The following MAP2K5 variants were observed in gnomAD, a reference collection of about 807,000 sequenced individuals.
MAP2K5 encodes the protein mitogen-activated protein kinase kinase 5, also known as dual specificity mitogen-activated protein kinase kinase 5.
MAP2K5 carries 49 observed loss-of-function variants against 83.1 expected under a neutral mutation model. The observed-to-expected ratio is 0.59, with a 90% confidence interval of 0.47 to 0.75. The LOEUF is 0.75. Among genes scored for constraint, MAP2K5 ranks in the 30% least tolerant of loss-of-function variants. The pLI is 0.00. For synonymous variants in MAP2K5, 202 were observed against 191.8 expected (o/e 1.05, Z -0.44); for missense variants, 457 against 557.5 (o/e 0.82, Z 1.82).
chr15:67,651,859 C>A (rs1209716330), intron 11 of MAP2K5, among the ~76,000 whole-genome samples: 1 of 152,174 alleles, frequency 6.6e-6, no homozygotes, highest in East Asian at 1.9e-4. Flanking sequence ...GATTTCCTTT[C>A]TTTTGGATAT....
At chr15:67,727,593 C>G (rs866514043) in intron 16 of MAP2K5, among the ~76,000 whole-genome samples, 4 of 152,206 alleles carry the variant, frequency 2.6e-5, no homozygotes, top group Middle Eastern at 3.4e-3. Flanking sequence ...TTTTACATCT[C>G]TGTCTAGAAG....
chr15:67,739,577 T>C (rs2089447096), intron 17 of MAP2K5, among the ~76,000 whole-genome samples: 1 of 143,626 alleles, frequency 7.0e-6, no homozygotes, highest in Non-Finnish European at 1.5e-5. Context: ...TCCTCCCGGG[T>C]TGAAGCAATT....
At chr15:67,634,387 A>AT (rs1324258049) in intron 9 of MAP2K5, among the ~76,000 whole-genome samples, 1,073 of 99,400 alleles carry the variant, frequency 0.011, 19 homozygotes, top group Non-Finnish European at 0.019. Flanking sequence ...AAAAAAAAAA[A>AT]AAAAAAAAAA....
rs2090570514 is a variant in MAP2K5, at chr15:67,794,474, G to A, written c.1243-12172G>A. ...CATTGGTCGCTAATAGCAGAAACTT[G>A]AGAATAATTGGTAATTTTCAATCCT... On this transcript the variant is annotated intron_variant, in intron 21 of 21. Coordinates refer to ENST00000178640, the MANE Select transcript of MAP2K5 (RefSeq NM_145160.3). This position sits in a 1 kb window ranked among gnomAD's most constrained non-coding sequence, Gnocchi z 4.6. Among the ~76,000 whole-genome samples the A allele has an allele frequency of 6.6e-6, 1 of 152,034 alleles. No homozygotes were observed. Among genetic ancestry groups the A allele is most frequent in the South Asian group, 2.1e-4 (1 of 4,822 alleles).
intron 21 of MAP2K5, among the ~76,000 whole-genome samples, chr15:67,788,302 C>T (rs2090453469): frequency 6.6e-6 from 1 of 152,190 alleles, no homozygotes; most frequent in African/African-American, 2.4e-5. Flanking sequence ...TGGCCTCAGC[C>T]AGTCAGCAGC....
In MAP2K5 at chr15:67,781,370, A is replaced by T. The variant is rs2090325546; in HGVS notation, c.1242+8618A>T. 6.6e-6 allele frequency among the ~76,000 whole-genome samples: 1 copy of T among 152,140 alleles called. No homozygotes were observed. Among genetic ancestry groups the T allele is most frequent in the African/African-American group, 2.4e-5 (1 of 41,424 alleles). ...GGTTGTTTGCTTTTTAATTTGTAGC[A>T]GTTTTGAGAGAGACCTTTGGGGATT... On this transcript the variant is annotated intron_variant, in intron 21 of 21. Transcript: ENST00000178640. The surrounding 1 kb of genome is among the most constrained non-coding windows in gnomAD (Gnocchi z 4.0).
rs1262662616 is a variant in MAP2K5, at chr15:67,724,561, A to G, written c.1045-3355A>G. ...AGACACGTGCCACCACACGCCTCTC[A>G]TTTTTGTAGAGAACTCGTTCTTCAT... On this transcript the variant is annotated intron_variant, in intron 16 of 21. Transcript: ENST00000178640. The surrounding 1 kb of genome is among the most constrained non-coding windows in gnomAD (Gnocchi z 4.4). Among the ~76,000 whole-genome samples, 2 of 152,056 alleles carry G rather than the reference A, an allele frequency of 1.3e-5. No individual in the cohort carries two copies. Among genetic ancestry groups the G allele is most frequent in the South Asian group, 2.1e-4 (1 of 4,826 alleles).
chr15:67,585,541 T>G (rs542146567), intron 4 of MAP2K5, among the ~76,000 whole-genome samples: 72 of 152,320 alleles, frequency 4.7e-4, no homozygotes, highest in Middle Eastern at 3.4e-3. Flanking sequence ...TCAAAGTAGT[T>G]TAAGTGATAG....
intron 17 of MAP2K5, among the ~76,000 whole-genome samples, chr15:67,743,057 T>G (rs2089529740): frequency 6.6e-6 from 1 of 152,268 alleles, no homozygotes; most frequent in South Asian, 2.1e-4. Context: ...GATGATTTTC[T>G]GTCTGGTCCC....
chr15:67,638,035 AAAAATTAAAAAAGTTAATTTTTTT>A lies in MAP2K5; in HGVS notation c.585+7111_585+7134del, dbSNP rs1348061968. The stretch of plus-strand genomic sequence containing the variant: ...AACTTTTTTTTACTTTTAATTTTTT[AAAAATTAAAAAAGTTAATTTTTTT>A]AACTTTTAATTTAACTTTTTTAATT... On this transcript the variant is annotated intron_variant, in intron 9 of 21. Coordinates refer to ENST00000178640, the MANE Select transcript of MAP2K5 (RefSeq NM_145160.3). This position sits in a 1 kb window ranked among gnomAD's most constrained non-coding sequence, Gnocchi z 4.5. Among the ~76,000 whole-genome samples, 15 of 151,870 alleles carry A rather than the reference AAAAATTAAAAAAGTTAATTTTTTT, an allele frequency of 9.9e-5. No individual in the cohort carries two copies. Among genetic ancestry groups the A allele is most frequent in the African/African-American group, 2.7e-4 (11 of 41,412 alleles).
At chr15:67,610,143 C>T (rs917950809) in intron 8 of MAP2K5, among the ~76,000 whole-genome samples, 2 of 152,160 alleles carry the variant, frequency 1.3e-5, no homozygotes, top group Admixed American at 1.3e-4. Flanking sequence ...TCTGAATTTC[C>T]TAACTATTAA....
At chr15:67,616,967 A>G (rs907139667) in intron 8 of MAP2K5, among the ~76,000 whole-genome samples, 1 of 152,222 alleles carries the variant, frequency 6.6e-6, no homozygotes, top group African/African-American at 2.4e-5. Flanking sequence ...AATTTAAGTC[A>G]GTAGCATTTA....
chr15:67,571,475 C>T, intron 3 of MAP2K5, among the ~76,000 whole-genome samples: 1 of 152,190 alleles, frequency 6.6e-6, no homozygotes, highest in East Asian at 1.9e-4. Flanking sequence ...TACCACTGTA[C>T]TTTGTCCAGA....
At chr15:67,716,960 CT>C (rs2141234537) in intron 16 of MAP2K5, among the ~76,000 whole-genome samples, 1 of 152,278 alleles carries the variant, frequency 6.6e-6, no homozygotes, top group East Asian at 1.9e-4. Flanking sequence ...AATGAGGAAA[CT>C]TAGATCCAGA....
chr15:67,738,757 A>G lies in MAP2K5; in HGVS notation c.1075-9474A>G, dbSNP rs1163653330. 6.6e-6 allele frequency among the ~76,000 whole-genome samples: 1 copy of G among 152,218 alleles called. No homozygotes were observed. Among genetic ancestry groups the G allele is most frequent in the Non-Finnish European group, 1.5e-5 (1 of 68,032 alleles). ...TGGTAATTTTTAAATGCATCTAAGT[A>G]ATACCTTATTTGAACTAGAGTTATT... On this transcript the variant is annotated intron_variant, in intron 17 of 21. Transcript: ENST00000178640. This position sits in a 1 kb window ranked among gnomAD's most constrained non-coding sequence, Gnocchi z 4.1.
chr15:67,634,392 A>AAAAT (rs2086550304), intron 9 of MAP2K5, among the ~76,000 whole-genome samples: 1 of 106,020 alleles, frequency 9.4e-6, no homozygotes, highest in Non-Finnish European at 2.1e-5. Context: ...AAAAAAAAAA[A>AAAAT]AAAAAAAAAA....
chr15:67,700,054 A>C (rs2088376857), intron 15 of MAP2K5, among the ~76,000 whole-genome samples: 1 of 151,556 alleles, frequency 6.6e-6, no homozygotes, highest in African/African-American at 2.4e-5. Flanking sequence ...CTACTTTGTT[A>C]ATTTTCTAGG....
intron 4 of MAP2K5, among the ~76,000 whole-genome samples, chr15:67,583,512 T>G (rs1159992471): frequency 6.6e-6 from 1 of 152,222 alleles, no homozygotes; most frequent in South Asian, 2.1e-4. Context: ...TTCTAGTTTT[T>G]GGTAGTCTTT....
intron 12 of MAP2K5, among the ~76,000 whole-genome samples, chr15:67,664,333 CAAAAAA>C (rs11395465): frequency 1.5e-4 from 11 of 74,090 alleles, no homozygotes; most frequent in African/African-American, 6.0e-4. Flanking sequence ...CTGTTTCTAC[CAAAAAA>C]AAAAAAAAAA....
Sources: allele counts gnomAD v4.1 joint callset (sites outside exome capture counted in the v4.1 genomes callset), GRCh38; gene constraint gnomAD v4.1.1; non-coding constraint Gnocchi (gnomAD v3.1); transcripts MANE v1.5; gene names NCBI Gene and HGNC (gene_info 2026-07-23, HGNC 2026-07-21).